Variants in RIC8B observed in about 807,000 individuals in gnomAD.
RIC8B encodes RIC8 guanine nucleotide exchange factor B.
RIC8B carries 16 observed loss-of-function variants against 57.5 expected under a neutral mutation model. The ratio of observed to expected loss-of-function variants is 0.28; its 90% CI spans 0.19 to 0.42. The LOEUF is 0.42. Ranked by LOEUF, RIC8B falls within the 10% of genes least tolerant of loss-of-function variation. The probability of loss-of-function intolerance (pLI) is 1.00; values close to 1 mark genes in which losing one functional copy is unlikely to be tolerated. For missense variants in RIC8B, 481 were observed against 677.0 expected (o/e 0.71, Z 3.21); for synonymous variants, 216 against 250.8 (o/e 0.86, Z 1.31).
At chr12:106,857,964 A>T (rs1949774374) in intron 7 of RIC8B, among the ~76,000 whole-genome samples, 1 of 152,122 alleles carries the variant, frequency 6.6e-6, no homozygotes, top group Admixed American at 6.6e-5. Flanking sequence ...CACCTTTGTA[A>T]CCCACACTGC....
At chr12:106,791,264 T>C (rs976123737) in intron 2 of RIC8B, among the ~76,000 whole-genome samples, 6 of 152,232 alleles carry the variant, frequency 3.9e-5, no homozygotes, top group African/African-American at 1.4e-4. Flanking sequence ...GCCACCTGTA[T>C]AGTTATTACT....
chr12:106,835,375 CTCATTCCTCCAA>C (rs1171207011), intron 4 of RIC8B, among the ~76,000 whole-genome samples: 3 of 152,176 alleles, frequency 2.0e-5, no homozygotes, highest in African/African-American at 7.2e-5. Context: ...ACCATAATCT[CTCATTCCTCCAA>C]ATTTTTGCTA....
intron 9 of RIC8B, among the ~76,000 whole-genome samples, chr12:106,877,355 G>A (rs1950712650): frequency 6.6e-6 from 1 of 152,038 alleles, no homozygotes; most frequent in South Asian, 2.1e-4. Context: ...GCTCTCAAAA[G>A]TTGTCTGATT....
intron 1 of RIC8B, 58 bp from the exon 2 acceptor site, chr12:106,783,939 C>T: frequency 6.5e-7 from 1 of 1,539,330 alleles, no homozygotes; most frequent in Non-Finnish European, 8.9e-7. Context: ...TTAAACGTAG[C>T]CAAAATTAAA....
At chr12:106,856,336 G>A (rs547979988) in intron 7 of RIC8B, among the ~76,000 whole-genome samples, 2 of 152,146 alleles carry the variant, frequency 1.3e-5, no homozygotes, top group South Asian at 4.2e-4. Context: ...TTGCCTGCAT[G>A]GTAAAAACCA....
chr12:106,873,331 TG>T (rs906025847), intron 9 of RIC8B, among the ~76,000 whole-genome samples: 1 of 152,216 alleles, frequency 6.6e-6, no homozygotes, highest in African/African-American at 2.4e-5. Flanking sequence ...CGTTTTACAT[TG>T]TCTGCCTTTG....
intron 1 of RIC8B, among the ~76,000 whole-genome samples, chr12:106,776,586 A>T (rs1327979046): frequency 6.6e-6 from 1 of 152,222 alleles, no homozygotes; most frequent in Non-Finnish European, 1.5e-5. Flanking sequence ...TAAACTAATT[A>T]GACTCCAGAT....
Position 106,825,761 on chromosome 12 carries a change from C to T in RIC8B, c.777C>T (p.Val259=). The change falls in exon 4 of 10, where the codon GTC becomes GTT. Residue 259 remains valine, a synonymous_variant. Coordinates refer to ENST00000392837, the MANE Select transcript of RIC8B (RefSeq NM_001330145.2). ...ATCAGTTCCGTGTAATGGCAGCTGT[C>T]CTTCGTCATTGTTTACTAATCGTAG... The part of the protein sequence containing the change: ...DSHQFRVMAA[V]LRHCLLIVGP... The T allele has an allele frequency of 1.2e-6, 2 of 1,613,778 alleles. No individual in the cohort carries two copies. The highest frequency in any genetic ancestry group is 1.7e-6 in the Non-Finnish European group (2 of 1,179,770).
chr12:106,815,864 C>A (rs1230166198), intron 3 of RIC8B, among the ~76,000 whole-genome samples: 1 of 152,114 alleles, frequency 6.6e-6, no homozygotes, highest in Non-Finnish European at 1.5e-5. Context: ...TATATAAGTT[C>A]TAGAAAACAA....
At chr12:106,810,127 A>G (rs1269662324) in intron 2 of RIC8B, among the ~76,000 whole-genome samples, 2 of 150,496 alleles carry the variant, frequency 1.3e-5, no homozygotes, top group East Asian at 3.9e-4. Context: ...CTATTTTATA[A>G]CATCCCTGTG....
intron 3 of RIC8B, among the ~76,000 whole-genome samples, chr12:106,818,854 C>A (rs965314478): frequency 1.3e-5 from 2 of 151,998 alleles, no homozygotes; most frequent in African/African-American, 4.8e-5. Context: ...GCAACCTCTG[C>A]CTCCTGGGTT....
At position 106,860,416 on chromosome 12, in the gene RIC8B, T is replaced by C. The variant is rs1375811159; in HGVS notation, c.1451+4T>C. The C allele has an allele frequency of 2.6e-6, 4 of 1,535,792 alleles. No individual in the cohort carries two copies. The highest frequency in any genetic ancestry group is 2.4e-5 in the East Asian group (1 of 41,186). ...AATACAAAAATGCAAAACCAAAGTA[T>C]AGTATCAAATTTCTTTTCACCTAAC... On this transcript the variant is annotated splice_donor_region_variant and intron_variant, in intron 8 of 9. Transcript: ENST00000392837.
chr12:106,786,351 G>A (rs1023010677), intron 2 of RIC8B, among the ~76,000 whole-genome samples: 6 of 151,788 alleles, frequency 4.0e-5, no homozygotes, highest in African/African-American at 9.7e-5. Context: ...GGGTTTCACC[G>A]TGTTAGCCAG....
intron 2 of RIC8B, among the ~76,000 whole-genome samples, chr12:106,808,653 T>C (rs1318487453): frequency 6.6e-6 from 1 of 152,182 alleles, no homozygotes; most frequent in African/African-American, 2.4e-5. Context: ...TATGTACCTA[T>C]CTCAACATGA....
At chr12:106,844,800 T>A (rs1949112693) in intron 6 of RIC8B, among the ~76,000 whole-genome samples, 1 of 152,188 alleles carries the variant, frequency 6.6e-6, no homozygotes, top group Non-Finnish European at 1.5e-5. Flanking sequence ...TAAAAGTAGC[T>A]CACAGAACTT....
At chr12:106,843,995 C>A in intron 6 of RIC8B, 48 bp downstream of exon 6, 1 of 1,194,024 alleles carries the variant, frequency 8.4e-7, no homozygotes, top group Non-Finnish European at 1.2e-6. Context: ...TTTTTATGTG[C>A]ATTTTAAACA....
Position 106,810,262 on chromosome 12 carries a change from T to C in RIC8B, c.133-4434T>C, listed in dbSNP as rs1230061455. On this transcript the variant is annotated intron_variant, in intron 2 of 9. Coordinates refer to ENST00000392837, the MANE Select transcript of RIC8B (RefSeq NM_001330145.2). ...ATTTTTTAAAAATGGGAAACTGAGGTTAAGAAGTGTCTAAATCATACAGCT... is the reference window on the plus strand; with the variant it reads ...ATTTTTTAAAAATGGGAAACTGAGGCTAAGAAGTGTCTAAATCATACAGCT... Among the ~76,000 whole-genome samples the C allele has an allele frequency of 2.0e-5, 3 of 147,164 alleles. No homozygotes were observed. The East Asian group carries it at 5.9e-4, about 29-fold the overall frequency.
intron 5 of RIC8B, 53 bp from the exon 6 acceptor site, chr12:106,843,799 T>C (rs1949065129): frequency 1.5e-6 from 2 of 1,299,928 alleles, no homozygotes; most frequent in African/African-American, 1.5e-5. Context: ...AAAGTAATAC[T>C]GTTAGAAACA....
intron 9 of RIC8B, chr12:106,873,220 T>C (rs964381464): frequency 1.0e-6 from 1 of 981,954 alleles, no homozygotes; most frequent in Non-Finnish European, 1.2e-6. Context: ...ATATGTCTTA[T>C]GTTGGCTTTG....
Sources: allele counts gnomAD v4.1 joint callset (sites outside exome capture counted in the v4.1 genomes callset), GRCh38; gene constraint gnomAD v4.1.1; transcripts MANE v1.5; gene names NCBI Gene and HGNC (gene_info 2026-07-23, HGNC 2026-07-21).